DIAPH3: variants seen among roughly 807,000 people sequenced by gnomAD.
The protein encoded by DIAPH3 is diaphanous related formin 3.
Under a neutral mutation model 144.3 loss-of-function variants are expected in DIAPH3, and 117 were observed. The ratio of observed to expected loss-of-function variants is 0.81; its 90% CI spans 0.70 to 0.95. The LOEUF is 0.95. Ranked by LOEUF, DIAPH3 falls within the 40% of genes least tolerant of loss-of-function variation. DIAPH3 has a pLI of 0.00. For synonymous variants in DIAPH3, 519 were observed against 488.9 expected (o/e 1.06, Z -0.81); for missense variants, 1,421 against 1,412.7 (o/e 1.01, Z -0.09).
intron 17 of DIAPH3, among the ~76,000 whole-genome samples, chr13:59,962,894 A>G (rs910831628): frequency 1.3e-5 from 2 of 152,150 alleles, no homozygotes; most frequent in African/African-American, 4.8e-5. Flanking sequence ...AAATAATTCT[A>G]ATGTATTTTG....
Position 59,832,053 on chromosome 13 carries a change from A to C in DIAPH3, c.3027+1054T>G, listed in dbSNP as rs538896419. On this transcript the variant is annotated intron_variant, in intron 24 of 27. Transcript: ENST00000400324. ...AGACTGCAAAGTCTTTACTATTTCC[A>C]CTAAGCCATATTGCTTTACAAAACA... Among the ~76,000 whole-genome samples, 173 of 151,952 alleles carry C rather than the reference A, an allele frequency of 1.1e-3. 6 individuals carry two copies. The highest frequency in any genetic ancestry group is 5.7e-4 in the Non-Finnish European group (39 of 67,844).
At chr13:59,813,340 C>G (rs2040589133) in intron 24 of DIAPH3, among the ~76,000 whole-genome samples, 2 of 151,654 alleles carry the variant, frequency 1.3e-5, no homozygotes, top group African/African-American at 2.4e-5. Flanking sequence ...AGCTGCAATA[C>G]TAGATACTTT....
At chr13:59,898,750 T>C (rs566123769) in intron 20 of DIAPH3, among the ~76,000 whole-genome samples, 1 of 152,242 alleles carries the variant, frequency 6.6e-6, no homozygotes, top group Admixed American at 6.5e-5. Context: ...CGATGAGTAC[T>C]AGGGAGAAAA....
chr13:60,016,186 G>A (rs775719600), intron 5 of DIAPH3, 41 bp from the exon 6 acceptor site: 23 of 1,563,554 alleles, frequency 1.5e-5, no homozygotes, highest in African/African-American at 1.1e-4. Flanking sequence ...TGTCAGTAAC[G>A]CAGCTTGTGT....
chr13:60,056,536 C>A lies in DIAPH3; in HGVS notation c.496-13716G>T, dbSNP rs79525162. Among the ~76,000 whole-genome samples, 1,260 of 151,676 alleles carry A rather than the reference C, an allele frequency of 8.3e-3. 22 individuals carry two copies. Among genetic ancestry groups the A allele is most frequent in the African/African-American group, 0.029 (1,182 of 41,450 alleles). On this transcript the variant is annotated intron_variant, in intron 4 of 27. Transcript: ENST00000400324. Reference sequence around the variant, plus strand: ...TTTTCCTAGCTCTGTCTATAAGGGCCTAGAAGATATACCATTAAAAGACCT... The same window carrying A: ...TTTTCCTAGCTCTGTCTATAAGGGCATAGAAGATATACCATTAAAAGACCT...
At chr13:59,844,348 T>TA (rs2042509343) in intron 22 of DIAPH3, among the ~76,000 whole-genome samples, 1 of 151,322 alleles carries the variant, frequency 6.6e-6, no homozygotes, top group Non-Finnish European at 1.5e-5. Flanking sequence ...ACTAAAAATA[T>TA]AAAAAATTAG....
intron 25 of DIAPH3, among the ~76,000 whole-genome samples, chr13:59,799,167 C>T (rs1404944538): frequency 6.6e-6 from 1 of 151,948 alleles, no homozygotes. Context: ...CCAGTGATCA[C>T]CTTTACCACA....
At chr13:60,068,444 T>G (rs1000508261) in intron 4 of DIAPH3, among the ~76,000 whole-genome samples, 2 of 152,236 alleles carry the variant, frequency 1.3e-5, no homozygotes, top group Non-Finnish European at 2.9e-5. Flanking sequence ...TTATTTGAAT[T>G]TGTTCTTCCA....
chr13:59,888,458 T>G (rs1429889125), intron 20 of DIAPH3, among the ~76,000 whole-genome samples: 1 of 152,126 alleles, frequency 6.6e-6, no homozygotes, highest in Non-Finnish European at 1.5e-5. Context: ...ACCTCTTTTA[T>G]CCCTTTTCTG....
intron 22 of DIAPH3, among the ~76,000 whole-genome samples, chr13:59,848,118 C>T (rs1319795383): frequency 2.0e-5 from 3 of 152,118 alleles, no homozygotes; most frequent in Non-Finnish European, 4.4e-5. Flanking sequence ...TCCAAGCCAA[C>T]ATTATTCCTC....
chr13:59,951,366 C>T (rs1302149054), intron 17 of DIAPH3, among the ~76,000 whole-genome samples: 1 of 152,110 alleles, frequency 6.6e-6, no homozygotes, highest in Non-Finnish European at 1.5e-5. Flanking sequence ...CTGAGACCTC[C>T]CAGGCCATGC....
At chr13:60,040,226 CAAAAA>C (rs5803983) in intron 5 of DIAPH3, among the ~76,000 whole-genome samples, 1 of 34,834 alleles carries the variant, frequency 2.9e-5, no homozygotes, top group African/African-American at 1.4e-4. Flanking sequence ...GACTCCATCT[CAAAAA>C]AAAAAAAAAA....
At chr13:59,976,313 G>T (rs1047532432) in intron 14 of DIAPH3, among the ~76,000 whole-genome samples, 2 of 151,670 alleles carry the variant, frequency 1.3e-5, no homozygotes, top group Non-Finnish European at 2.9e-5. Context: ...TCTCTCTAGG[G>T]CCATGCTATT....
At chr13:59,992,237 C>T (rs1209883757) in intron 10 of DIAPH3, 51 bp from the exon 11 acceptor site, 1 of 1,437,656 alleles carries the variant, frequency 7.0e-7, no homozygotes, top group African/African-American at 1.4e-5. Context: ...TTTAATTATG[C>T]AAAAGAATAA....
intron 27 of DIAPH3, among the ~76,000 whole-genome samples, chr13:59,716,325 G>A (rs982820556): frequency 7.9e-5 from 12 of 152,032 alleles, no homozygotes; most frequent in South Asian, 2.1e-4. Flanking sequence ...ACAGGCGCCC[G>A]CCACCACGCC....
chr13:59,794,121 T>C (rs1593873002), intron 25 of DIAPH3, among the ~76,000 whole-genome samples: 2 of 152,238 alleles, frequency 1.3e-5, no homozygotes, highest in South Asian at 4.1e-4. Context: ...TGTAGGCTAC[T>C]ATAAGTGTTC....
At chr13:60,044,009 T>C (rs577704202) in intron 4 of DIAPH3, among the ~76,000 whole-genome samples, 2 of 151,886 alleles carry the variant, frequency 1.3e-5, no homozygotes, top group South Asian at 4.2e-4. Flanking sequence ...ACCATGCATA[T>C]ACAGGAAAAA....
intron 27 of DIAPH3, among the ~76,000 whole-genome samples, chr13:59,695,741 C>G (rs1347488773): frequency 6.6e-6 from 1 of 152,010 alleles, no homozygotes; most frequent in Non-Finnish European, 1.5e-5. Context: ...GAAGTTAGTA[C>G]TAAAACTTTT....
chr13:59,952,298 G>A (rs945268420), intron 17 of DIAPH3, among the ~76,000 whole-genome samples: 1 of 152,066 alleles, frequency 6.6e-6, no homozygotes, highest in African/African-American at 2.4e-5. Context: ...ACTTTGGAAT[G>A]ATGAAAATGT....
Sources: gnomAD v4.1 joint callset for allele counts (sites outside exome capture counted in the v4.1 genomes callset) on GRCh38, gnomAD v4.1.1 for gene constraint, MANE v1.5 for transcripts, NCBI Gene and HGNC (gene_info 2026-07-23, HGNC 2026-07-21) for gene names.